The following COG5 variants were observed in gnomAD, a reference collection of about 807,000 sequenced individuals.
COG5 encodes the protein conserved oligomeric Golgi complex subunit 5.
A neutral mutation model predicts 110.4 loss-of-function variants in COG5; 86 were observed. The ratio of observed to expected loss-of-function variants is 0.78; its 90% confidence interval spans 0.65 to 0.93. The LOEUF (loss-of-function observed/expected upper bound fraction) is 0.93, where lower values mean the gene tolerates loss of function less well. Ranked by LOEUF, COG5 falls within the 40% of genes least tolerant of loss-of-function variation. COG5 has a pLI of 0.00. For synonymous variants in COG5, 360 were observed against 334.6 expected (o/e 1.08, Z -0.83); for missense variants, 1,077 against 987.0 (o/e 1.09, Z -1.22).
At chr7:107,249,915 A>G (rs1802366784) in intron 16 of COG5, among the ~76,000 whole-genome samples, 1 of 152,080 alleles carries the variant, frequency 6.6e-6, no homozygotes, top group African/African-American at 2.4e-5. Flanking sequence ...AGTTTGGGAA[A>G]GCTGAGGCAC....
intron 10 of COG5, among the ~76,000 whole-genome samples, chr7:107,326,670 A>G (rs1400069946): frequency 6.6e-6 from 1 of 152,236 alleles, no homozygotes; most frequent in Non-Finnish European, 1.5e-5. Flanking sequence ...AATGGAAAGC[A>G]TACTGTGTTA....
chr7:107,353,912 A>C (rs181714936), intron 10 of COG5, among the ~76,000 whole-genome samples: 37 of 151,552 alleles, frequency 2.4e-4, no homozygotes, highest in African/African-American at 8.0e-4. Flanking sequence ...TTTGAACACT[A>C]ATCTACACAG....
chr7:107,444,861 T>C (rs1389815348), intron 6 of COG5, among the ~76,000 whole-genome samples: 1 of 152,154 alleles, frequency 6.6e-6, no homozygotes, highest in Middle Eastern at 3.2e-3. Context: ...GTGACACACA[T>C]ACCCTCATAA....
intron 17 of COG5, among the ~76,000 whole-genome samples, chr7:107,247,119 C>G (rs915529830): frequency 1.3e-5 from 2 of 152,070 alleles, no homozygotes; most frequent in Non-Finnish European, 2.9e-5. Flanking sequence ...ATTGCAGGAA[C>G]AGAAAACCAA....
intron 12 of COG5, among the ~76,000 whole-genome samples, chr7:107,294,884 TG>T (rs1467098225): frequency 2.8e-3 from 2 of 720 alleles, no homozygotes; most frequent in East Asian, 0.17. Context: ...CCTGGATTTG[TG>T]TGTGTGTGTG....
intron 10 of COG5, among the ~76,000 whole-genome samples, chr7:107,334,960 T>G (rs775478511): frequency 3.3e-5 from 5 of 152,206 alleles, no homozygotes; most frequent in Non-Finnish European, 7.3e-5. Context: ...TAGCAATCTG[T>G]TAGATATATC....
intron 17 of COG5, among the ~76,000 whole-genome samples, chr7:107,239,329 C>T (rs929550878): frequency 1.1e-4 from 17 of 152,128 alleles, no homozygotes; most frequent in East Asian, 9.7e-4. Flanking sequence ...TCAATGCCAG[C>T]GCACCATGCC....
chr7:107,529,853 T>C (rs1365240937), intron 5 of COG5, among the ~76,000 whole-genome samples: 1 of 152,216 alleles, frequency 6.6e-6, no homozygotes, highest in Non-Finnish European at 1.5e-5. Context: ...AGAATTGAGG[T>C]TGCTGCAGAC....
At chr7:107,397,814 T>C (rs1282688588) in intron 7 of COG5, among the ~76,000 whole-genome samples, 1 of 151,942 alleles carries the variant, frequency 6.6e-6, no homozygotes, top group Non-Finnish European at 1.5e-5. Context: ...AAGAAAAAGA[T>C]TTAGGCAGAA....
At position 107,531,670 on chromosome 7, in the gene COG5, C is replaced by CT. The variant is rs111284238; in HGVS notation, c.418-4314dup. On this transcript the variant is annotated intron_variant, in intron 5 of 21. Transcript: ENST00000297135. ...GGGAGGTGGGTGTTCTGGGGTTTTG[C>CT]TTTTTTTTTTTTTTGATATCATTAT... 4.3e-3 allele frequency among the ~76,000 whole-genome samples: 588 copies of CT among 136,990 alleles called. 6 individuals carry two copies. Among genetic ancestry groups the CT allele is most frequent in the African/African-American group, 9.6e-3 (356 of 37,098 alleles). The allele number at this position is 136,990 out of a possible 152,430, so 89.9% of individuals were successfully genotyped here.
intron 11 of COG5, among the ~76,000 whole-genome samples, chr7:107,300,865 C>T: frequency 6.6e-6 from 1 of 151,992 alleles, no homozygotes. Context: ...GCAACAAAAA[C>T]AACAATGTTG....
rs746984593 is a variant in COG5 at position 107,201,580 on chromosome 7, ATGAG to A, written c.*1932_*1935del. 60 of 463,222 alleles carry A rather than the reference ATGAG, an allele frequency of 1.3e-4. No homozygotes were observed. The highest frequency in any genetic ancestry group is 2.3e-4 in the Non-Finnish European group (57 of 251,872). The allele number at this position is 463,222 out of a possible 1,614,324, so 28.7% of individuals were successfully genotyped here. On this transcript the variant is annotated 3_prime_UTR_variant, in exon 22 of 22. Transcript: ENST00000297135. The stretch of plus-strand genomic sequence containing the variant: ...TTGAGTCTTGAAATGATTTAATAAT[ATGAG>A]TGAGGATTTGCTTTCTCCATTAGAG...
intron 7 of COG5, among the ~76,000 whole-genome samples, chr7:107,378,011 A>C (rs1389584835): frequency 6.6e-6 from 1 of 152,210 alleles, no homozygotes; most frequent in Non-Finnish European, 1.5e-5. Flanking sequence ...GACATCTCAT[A>C]CAGGAGAACT....
intron 6 of COG5, among the ~76,000 whole-genome samples, chr7:107,451,004 A>G (rs1795298019): frequency 6.6e-6 from 1 of 152,212 alleles, no homozygotes; most frequent in Admixed American, 6.5e-5. Context: ...GGCTCATTAC[A>G]TATGGTACTC....
chr7:107,428,755 G>C (rs1367445802), intron 6 of COG5, among the ~76,000 whole-genome samples: 4 of 152,162 alleles, frequency 2.6e-5, no homozygotes, highest in African/African-American at 9.7e-5. Flanking sequence ...GACCAAAAGA[G>C]TTAACTGAGA....
chr7:107,303,833 A>G (rs1807484354), intron 11 of COG5, among the ~76,000 whole-genome samples: 1 of 152,202 alleles, frequency 6.6e-6, no homozygotes, highest in African/African-American at 2.4e-5. Flanking sequence ...AATTTATAGT[A>G]CACCTACTGT....
At chr7:107,228,594 T>C (rs1800538533) in intron 19 of COG5, among the ~76,000 whole-genome samples, 1 of 152,168 alleles carries the variant, frequency 6.6e-6, no homozygotes, top group Non-Finnish European at 1.5e-5. Context: ...TGTTTGGTAG[T>C]GCAGAACTCT....
chr7:107,428,592 C>T (rs73187370), intron 6 of COG5, among the ~76,000 whole-genome samples: 9,113 of 152,242 alleles, frequency 0.06, 292 homozygotes, highest in African/African-American at 0.084. Context: ...AAACTTCTAG[C>T]CTCCAGAACT....
At chr7:107,278,901 C>T (rs910217275) in intron 14 of COG5, among the ~76,000 whole-genome samples, 1 of 152,084 alleles carries the variant, frequency 6.6e-6, no homozygotes, top group African/African-American at 2.4e-5. Context: ...ACTAAAACAC[C>T]AAAAGCAATG....
Sources: gnomAD v4.1 joint callset for allele counts (sites outside exome capture counted in the v4.1 genomes callset) on GRCh38, gnomAD v4.1.1 for gene constraint, MANE v1.5 for transcripts, NCBI Gene and HGNC (gene_info 2026-07-23, HGNC 2026-07-21) for gene names.